The following ZNF527 variants were observed in gnomAD, a reference collection of about 807,000 sequenced individuals.
ZNF527 encodes the protein zinc finger protein 527.
In ZNF527, 5 loss-of-function variants were observed where a neutral mutation model predicts 13.5. The ratio of observed to expected loss-of-function variants is 0.37; its 90% CI spans 0.19 to 0.78. The LOEUF is 0.78. Among genes scored for constraint, ZNF527 ranks in the 30% least tolerant of loss-of-function variants. The pLI, the probability that ZNF527 is intolerant of heterozygous loss-of-function variation, is 0.48. For missense variants in ZNF527, 628 were observed against 726.4 expected, an observed-to-expected ratio of 0.86 and a Z score of 1.56; for synonymous variants, 209 against 243.1, an observed-to-expected ratio of 0.86 and a Z score of 1.30.
chr19:37,389,777 C>T lies in ZNF527; in HGVS notation c.1728C>T (p.His576=), dbSNP rs749345375. Residue 576 remains histidine (H), a synonymous_variant, in exon 5 of 5, where the codon CAC becomes CAT. Coordinates refer to ENST00000436120, the MANE Select transcript of ZNF527 (RefSeq NM_032453.2). The stretch of plus-strand genomic sequence containing the variant: ...CCCTAAGACTACACCAGAGAATTCA[C>T]GCTGGAGAAAAACCTTATAAATGTA... The part of the protein sequence containing the change: ...ILSLRLHQRI[H]AGEKPYKCNE... The T allele has an allele frequency of 2.1e-5, 34 of 1,613,414 alleles. No homozygotes were observed. Among genetic ancestry groups the T allele is most frequent in the East Asian group, 1.3e-4 (6 of 44,874 alleles).
intron 4 of ZNF527, among the ~76,000 whole-genome samples, chr19:37,383,234 A>AT (rs536851087): frequency 1.2e-3 from 160 of 138,870 alleles, no homozygotes; most frequent in African/African-American, 4.3e-3. Context: ...CGTTTCCTTG[A>AT]TTTTTTATGC....
At position 37,389,379 on chromosome 19, in the gene ZNF527, T is replaced by C; in HGVS notation, c.1330T>C (p.Cys444Arg). ...TCACACAGGAGAGAAACCCTTCAAA[T>C]GTAGTGAATGTGGGAAGACCTTTGG... ...RIHTGEKPFK[C>R]SECGKTFGYR... The change falls in exon 5 of 5, where the codon TGT becomes CGT. Residue 444 changes from cysteine to arginine, a missense_variant. This residue lies in a region of ZNF527 where 592 missense variants were observed against 678.0 expected (regional missense o/e 0.87). Transcript: ENST00000436120. 6.2e-7 allele frequency: 1 copy of C among 1,614,200 alleles called. No individual in the cohort carries two copies. The highest frequency in any genetic ancestry group is 1.1e-5 in the South Asian group (1 of 91,086).
rs753609314 is a variant in ZNF527, at chr19:37,388,596, A to G, written c.547A>G (p.Lys183Glu). 1 of 1,614,158 alleles carries G rather than the reference A, an allele frequency of 6.2e-7. No homozygotes were observed. The highest frequency in any genetic ancestry group is 2.2e-5 in the East Asian group (1 of 44,876). ...GAAATCAGTATTTTTAACACAACAGAAAGTTCCTACCATACAGCAAGTACA... is the reference window on the plus strand; with the variant it reads ...GAAATCAGTATTTTTAACACAACAGGAAGTTCCTACCATACAGCAAGTACA... ...PLKSVFLTQQ[K>E]VPTIQQVHKF... Residue 183 changes from lysine (K) to glutamate (E), a missense_variant, in exon 5 of 5, where the codon AAA becomes GAA. Physicochemically the swap from Lys to Glu is moderately conservative, Grantham distance 56. This residue lies in a region of ZNF527 where 592 missense variants were observed against 678.0 expected (regional missense o/e 0.87). Transcript: ENST00000436120.
In ZNF527 at chr19:37,374,220, G is replaced by A. The variant is rs2040581347; in HGVS notation, c.22G>A (p.Ala8Thr). MAVGLCK[A>T]MSQGLVTFRD... ...AGGAATGGCTGTGGGGCTTTGTAAA[G>A]CCATGTCCCAGGTAAGCATGCTCTT... Residue 8 changes from alanine to threonine, a missense_variant, in exon 2 of 5, where the codon GCC (alanine) becomes ACC (threonine). Ala to Thr is a moderately conservative substitution (Grantham distance 58, BLOSUM62 0). Coordinates refer to ENST00000436120, the MANE Select transcript of ZNF527 (RefSeq NM_032453.2). 1.2e-6 allele frequency: 2 copies of A among 1,613,986 alleles called. No homozygotes were observed. Among genetic ancestry groups the A allele is most frequent in the African/African-American group, 1.3e-5 (1 of 74,900 alleles).
In ZNF527 at chr19:37,391,018, A is replaced by AC. The variant is rs1263235867; in HGVS notation, c.*1139_*1140insC. On this transcript the variant is annotated 3_prime_UTR_variant, in exon 5 of 5. Coordinates refer to ENST00000436120, the MANE Select transcript of ZNF527 (RefSeq NM_032453.2). ...AGTTTTTTTCACATTATGGCTGAAT[A>AC]TTTTAAAATTCACCAAGTAAAATTC... 1 of 152,194 alleles carries AC rather than the reference A, an allele frequency of 6.6e-6. No homozygotes were observed. The highest frequency in any genetic ancestry group is 2.4e-5 in the African/African-American group (1 of 41,446). The allele number at this position is 152,194 out of a possible 1,614,324, so 9.4% of individuals were successfully genotyped here. A position where few individuals can be genotyped will look rare whatever the true frequency, so the allele number is the denominator to read the frequency against.
rs1435200792 is a variant in ZNF527 at position 37,388,736 on chromosome 19, GA to G, written c.688del (p.Ser230ValfsTer8). ...GTAATGAATGTGAAGAATTCAACCA[GA>G]GTACGTACCTTAGTAAAGATATAGG... is the stretch of plus-strand genomic sequence containing the variant. ...IGNECEEFNQ[S>X]TYLSKDIGIP... On this transcript the variant is annotated frameshift_variant, in exon 5 of 5. Transcript: ENST00000436120. LOFTEE classifies it low-confidence loss of function (END_TRUNC). 1 of 1,612,438 alleles carries G rather than the reference GA, an allele frequency of 6.2e-7. No individual in the cohort carries two copies. The highest frequency in any genetic ancestry group is 8.5e-7 in the Non-Finnish European group (1 of 1,179,634).
At chr19:37,377,303 C>T (rs1225521788) in intron 2 of ZNF527, among the ~76,000 whole-genome samples, 2 of 152,020 alleles carry the variant, frequency 1.3e-5, no homozygotes, top group African/African-American at 4.8e-5. Flanking sequence ...TTCATAGTCA[C>T]AGAGGGCAGA....
chr19:37,383,033 G>T (rs1400499969), intron 4 of ZNF527, among the ~76,000 whole-genome samples: 1 of 152,036 alleles, frequency 6.6e-6, no homozygotes, highest in African/African-American at 2.4e-5. Flanking sequence ...ATAAGGAATT[G>T]CTACATTCCC....
chr19:37,385,239 T>C (rs2040688669), intron 4 of ZNF527: 1 of 452,464 alleles, frequency 2.2e-6, no homozygotes, highest in Admixed American at 3.8e-5. Flanking sequence ...CCTTGCCTTT[T>C]GACTTTGTGT....
chr19:37,388,733 C>T lies in ZNF527; in HGVS notation c.684C>T (p.Asn228=), dbSNP rs1322527403. The change falls in exon 5 of 5, where the codon AAC becomes AAT. Residue 228 remains asparagine (N), a synonymous_variant. Coordinates refer to ENST00000436120, the MANE Select transcript of ZNF527 (RefSeq NM_032453.2). ...SLIGNECEEF[N]QSTYLSKDIG... ...TAGGTAATGAATGTGAAGAATTCAA[C>T]CAGAGTACGTACCTTAGTAAAGATA... is the stretch of plus-strand genomic sequence containing the variant. 2.5e-6 allele frequency: 4 copies of T among 1,612,046 alleles called. No individual in the cohort carries two copies. The highest frequency in any genetic ancestry group is 1.7e-5 in the Admixed American group (1 of 59,630).
intron 1 of ZNF527, among the ~76,000 whole-genome samples, chr19:37,372,073 C>G (rs937465733): frequency 6.6e-6 from 1 of 151,000 alleles, no homozygotes; most frequent in Non-Finnish European, 1.5e-5. Context: ...GATCTCGGCT[C>G]ACTGCAACCT....
intron 4 of ZNF527, 58 bp from the exon 5 acceptor site, chr19:37,388,243 TAACAA>T: frequency 6.4e-7 from 1 of 1,553,194 alleles, no homozygotes; most frequent in Non-Finnish European, 8.7e-7. Context: ...ATTTCTTCTC[TAACAA>T]TTTTCTTCCT....
chr19:37,380,267 C>A lies in ZNF527; in HGVS notation c.161-10C>A, dbSNP rs1468044248. 6.2e-7 allele frequency: 1 copy of A among 1,613,436 alleles called. No individual in the cohort carries two copies. The highest frequency in any genetic ancestry group is 2.2e-5 in the East Asian group (1 of 44,854). On this transcript the variant is annotated splice_polypyrimidine_tract_variant and intron_variant, in intron 3 of 4. Transcript: ENST00000436120. ...GTCTCTTGCTCTCATTTTTCTTCCC[C>A]TGTGAACAGGACTCTCCATTTCTAA...
chr19:37,382,284 GGTAGA>G (rs1306911656), intron 4 of ZNF527, among the ~76,000 whole-genome samples: 59 of 119,994 alleles, frequency 4.9e-4, no homozygotes, highest in African/African-American at 1.7e-3. Context: ...TAGATAGATA[GGTAGA>G]TAGATAGATA....
At chr19:37,380,085 T>G (rs2040640823) in intron 3 of ZNF527, 192 bp from the exon 4 acceptor site, 1 of 1,142,836 alleles carries the variant, frequency 8.8e-7, no homozygotes, top group African/African-American at 1.6e-5. Flanking sequence ...TGAGAACCAC[T>G]GTCACGGCAG....
chr19:37,385,772 CTT>C (rs1367189116), intron 4 of ZNF527: 1 of 153,528 alleles, frequency 6.5e-6, no homozygotes, highest in Non-Finnish European at 1.4e-5. Context: ...TTTTGTAGGA[CTT>C]TTTTTGTGTT....
chr19:37,387,671 C>A (rs1568697137), intron 4 of ZNF527, among the ~76,000 whole-genome samples: 1 of 152,302 alleles, frequency 6.6e-6, no homozygotes, highest in East Asian at 1.9e-4. Flanking sequence ...CAATAGGCAT[C>A]ATTTTCCCTT....
chr19:37,376,131 G>A (rs988900988), intron 2 of ZNF527, among the ~76,000 whole-genome samples: 1 of 152,030 alleles, frequency 6.6e-6, no homozygotes, highest in African/African-American at 2.4e-5. Flanking sequence ...AGGAGTTCAA[G>A]ACCAGTTATG....
At chr19:37,377,721 G>A (rs1442869944) in intron 2 of ZNF527, among the ~76,000 whole-genome samples, 1 of 152,130 alleles carries the variant, frequency 6.6e-6, no homozygotes, top group Non-Finnish European at 1.5e-5. Context: ...AGGGGCCCCT[G>A]ACAGGTGCTC....
Sources: allele counts gnomAD v4.1 joint callset (sites outside exome capture counted in the v4.1 genomes callset), GRCh38; gene constraint gnomAD v4.1.1; regional missense constraint gnomAD v4.1.1; transcripts MANE v1.5; gene names NCBI Gene and HGNC (gene_info 2026-07-23, HGNC 2026-07-21).